CASZ1: variants seen among roughly 807,000 people sequenced by gnomAD.
The protein encoded by CASZ1 is zinc finger protein castor homolog 1.
Under a neutral mutation model 135.2 loss-of-function variants are expected in CASZ1, and 28 were observed. That is an observed-to-expected ratio of 0.21 (90% CI 0.15 to 0.28). The LOEUF is 0.28. Ranked by LOEUF, CASZ1 falls within the 10% of genes least tolerant of loss-of-function variation. CASZ1 has a pLI of 1.00. For synonymous variants in CASZ1, 1,068 were observed against 1,073.4 expected (o/e 0.99, Z 0.10); for missense variants, 2,161 against 2,453.3 (o/e 0.88, Z 2.52).
chr1:10,675,426 G>A (rs1643536066), intron 4 of CASZ1, among the ~76,000 whole-genome samples: 1 of 152,178 alleles, frequency 6.6e-6, no homozygotes, highest in African/African-American at 2.4e-5. Flanking sequence ...GGTGGGCACA[G>A]TGCGAGCAGG....
chr1:10,727,589 C>G lies in CASZ1; in HGVS notation c.-76-22045G>C, dbSNP rs902782930. Among the ~76,000 whole-genome samples, 4 of 152,136 alleles carry G rather than the reference C, an allele frequency of 2.6e-5. No individual in the cohort carries two copies. The highest frequency in any genetic ancestry group is 4.4e-5 in the Non-Finnish European group (3 of 68,008). On this transcript the variant is annotated intron_variant, in intron 2 of 20. Coordinates refer to ENST00000377022, the MANE Select transcript of CASZ1 (RefSeq NM_001079843.3). The surrounding 1 kb of genome is among the most constrained non-coding windows in gnomAD (Gnocchi z 5.3). ...AGCCCCCAAGCCAGGTTCCTAGACT[C>G]CAAGAATGAGAAAACCCCTTTCCCA...
chr1:10,781,920 G>A (rs1295359000), intron 1 of CASZ1, among the ~76,000 whole-genome samples: 3 of 152,214 alleles, frequency 2.0e-5, no homozygotes, highest in African/African-American at 4.8e-5. Flanking sequence ...GATTTGAGCC[G>A]AGGACTTTAC....
At chr1:10,651,896 A>G (rs1456928977) in intron 11 of CASZ1, 2 of 152,212 alleles carry the variant, frequency 1.3e-5, no homozygotes, top group Non-Finnish European at 2.9e-5. Context: ...TTTCTAATGA[A>G]AACAAAGTAC....
rs1278942738 is a variant in CASZ1 at position 10,706,885 on chromosome 1, CA to C, written c.-76-1342del. ...CAGAGAGCTGGGCGGACCCCTGAGA[CA>C]GGGGGCGGTAGAGAGGATGGGGGGC... On this transcript the variant is annotated intron_variant, in intron 2 of 20. Transcript: ENST00000377022. The surrounding 1 kb of genome is among the most constrained non-coding windows in gnomAD (Gnocchi z 4.3). Among the ~76,000 whole-genome samples the C allele has an allele frequency of 5.5e-5, 8 of 146,758 alleles. No homozygotes were observed. Among genetic ancestry groups the C allele is most frequent in the Non-Finnish European group, 7.6e-5 (5 of 66,176 alleles).
At chr1:10,661,656 TCA>T (rs1036062318) in intron 5 of CASZ1, among the ~76,000 whole-genome samples, 1 of 133,304 alleles carries the variant, frequency 7.5e-6, no homozygotes, top group Non-Finnish European at 1.6e-5. Flanking sequence ...ACACACACGG[TCA>T]CATTCACACG....
chr1:10,722,884 A>G (rs1639527372), intron 2 of CASZ1, among the ~76,000 whole-genome samples: 1 of 152,242 alleles, frequency 6.6e-6, no homozygotes. Context: ...CGCACCCCAG[A>G]AACAGGCCCA....
At position 10,643,168 on chromosome 1, in the gene CASZ1, G is replaced by C; in HGVS notation, c.4012C>G (p.Pro1338Ala). 1 of 1,611,424 alleles carries C rather than the reference G, an allele frequency of 6.2e-7. No homozygotes were observed. The highest frequency in any genetic ancestry group is 1.1e-5 in the South Asian group (1 of 90,996). Residue 1338 changes from proline to alanine, a missense_variant, in exon 19 of 21, where the codon CCC (proline) becomes GCC (alanine). Physicochemically the swap from Pro to Ala is conservative, Grantham distance 27 (BLOSUM62 -1). Around this residue, in one of 7 missense-constraint regions of CASZ1, gnomAD observed 349 missense variants for 460.8 expected, o/e 0.76. Coordinates refer to ENST00000377022, the MANE Select transcript of CASZ1 (RefSeq NM_001079843.3). The part of the protein sequence containing the change: ...MLGKNFDRVP[P>A]SQGPPGLMDA... ...CTGGGGGGGGCTCTCACCTGGGAGG[G>C]GGGCACGCGGTCGAAGTTCTTCCCC...
intron 1 of CASZ1, among the ~76,000 whole-genome samples, chr1:10,768,213 T>C (rs1229818003): frequency 6.6e-6 from 1 of 151,970 alleles, no homozygotes; most frequent in Non-Finnish European, 1.5e-5. Flanking sequence ...TTCGTTTGTT[T>C]GTTTGTTTGT....
chr1:10,703,244 G>A (rs1639101845), intron 3 of CASZ1, among the ~76,000 whole-genome samples: 1 of 152,070 alleles, frequency 6.6e-6, no homozygotes, highest in South Asian at 2.1e-4. Flanking sequence ...CGGGCTTGGA[G>A]CCTGATTCCC....
Position 10,671,520 on chromosome 1 carries a change from G to T in CASZ1, c.17-5949C>A, listed in dbSNP as rs1570451934. Among the ~76,000 whole-genome samples, 5 of 152,344 alleles carry T rather than the reference G, an allele frequency of 3.3e-5. No individual in the cohort carries two copies. The South Asian group carries it at 1.0e-3, about 32-fold the overall frequency. On this transcript the variant is annotated intron_variant, in intron 4 of 20. Coordinates refer to ENST00000377022, the MANE Select transcript of CASZ1 (RefSeq NM_001079843.3). ...ACCCCCAGGGCTGGGCTGACTCTCA[G>T]TGCCTGAGCTGCCCTGCTCCGGGCA...
At chr1:10,732,759 G>A (rs1295772671) in intron 2 of CASZ1, among the ~76,000 whole-genome samples, 1 of 152,224 alleles carries the variant, frequency 6.6e-6, no homozygotes, top group Non-Finnish European at 1.5e-5. Flanking sequence ...CAGCAGTGCA[G>A]GGGACGTGGG....
chr1:10,781,302 T>C (rs1179712407), intron 1 of CASZ1, among the ~76,000 whole-genome samples: 1 of 152,236 alleles, frequency 6.6e-6, no homozygotes, highest in African/African-American at 2.4e-5. Flanking sequence ...GGTTTGTGCC[T>C]TCTTGGCAGC....
At chr1:10,764,478 G>A (rs1057415304) in intron 1 of CASZ1, among the ~76,000 whole-genome samples, 1 of 152,226 alleles carries the variant, frequency 6.6e-6, no homozygotes, top group Admixed American at 6.5e-5. Flanking sequence ...AGTGCCCTAC[G>A]CACATGATCT....
rs1283570482 is a variant in CASZ1, at chr1:10,645,027, G to T, written c.3758C>A (p.Thr1253Asn). 1.2e-6 allele frequency: 2 copies of T among 1,614,050 alleles called. No homozygotes were observed. Among genetic ancestry groups the T allele is most frequent in the East Asian group, 2.2e-5 (1 of 44,886 alleles). ...HCLRTGCYFV[T>N]NITTKLPWHI... is the part of the protein sequence containing the mutation. Reference sequence around the variant, plus strand: ...CCAGGGGAGCTTGGTGGTGATGTTGGTCACAAAATAGCAGCCGGTGCGGAG... The same window carrying T: ...CCAGGGGAGCTTGGTGGTGATGTTGTTCACAAAATAGCAGCCGGTGCGGAG... The change falls in exon 18 of 21, where the codon ACC becomes AAC. Residue 1253 changes from threonine (T) to asparagine (N), a missense_variant. Transcript: ENST00000377022.
rs1267788911 is a variant in CASZ1, at chr1:10,747,033, C to A, written c.-77+13668G>T. Among the ~76,000 whole-genome samples, 1 of 152,258 alleles carries A rather than the reference C, an allele frequency of 6.6e-6. No homozygotes were observed. The highest frequency in any genetic ancestry group is 2.4e-5 in the African/African-American group (1 of 41,470). On this transcript the variant is annotated intron_variant, in intron 2 of 20. Transcript: ENST00000377022. The surrounding 1 kb of genome is among the most constrained non-coding windows in gnomAD (Gnocchi z 4.3). ...CTTCTCCCCTCATAGCCCCCGCTAACCAGGAGTGGACGCCCAGAAGTCCAT... is the reference window on the plus strand; with the variant it reads ...CTTCTCCCCTCATAGCCCCCGCTAAACAGGAGTGGACGCCCAGAAGTCCAT...
intron 1 of CASZ1, among the ~76,000 whole-genome samples, chr1:10,785,338 TC>T (rs1173102806): frequency 2.0e-5 from 3 of 151,702 alleles, no homozygotes; most frequent in Non-Finnish European, 4.4e-5. Flanking sequence ...GAAAAAAGCA[TC>T]CGTTTAATTA....
In CASZ1 at chr1:10,717,376, T is replaced by G. The variant is rs963936771; in HGVS notation, c.-76-11832A>C. ...CCGTGCTGGGGTGTTGGTGAGTTGT[T>G]GGAGGTTTTTTTTTCTTTTCTTTTC... On this transcript the variant is annotated intron_variant, in intron 2 of 20. Transcript: ENST00000377022. This position sits in a 1 kb window ranked among gnomAD's most constrained non-coding sequence, Gnocchi z 4.6. Among the ~76,000 whole-genome samples the G allele has an allele frequency of 3.9e-5, 6 of 152,120 alleles. No individual in the cohort carries two copies. The highest frequency in any genetic ancestry group is 8.8e-5 in the Non-Finnish European group (6 of 68,010).
chr1:10,760,637 G>A (rs1640354902), intron 2 of CASZ1, 64 bp downstream of exon 2: 1 of 152,304 alleles, frequency 6.6e-6, no homozygotes, highest in Non-Finnish European at 1.5e-5. Context: ...GTACCCTAAA[G>A]AGCAACCCCC....
rs551000511 is a variant in CASZ1 at position 10,689,320 on chromosome 1, C to T, written c.16+4554G>A. 2.6e-4 allele frequency among the ~76,000 whole-genome samples: 39 copies of T among 152,312 alleles called. 1 individual carries two copies. In the East Asian group the frequency reaches 6.0e-3, roughly 23 times the overall value. ...CCACTTTCACGAGGAGATGCCGCTG[C>T]GTGGCTTAGCCCTCCAAAGGTGCCT... On this transcript the variant is annotated intron_variant, in intron 4 of 20. Transcript: ENST00000377022.
Sources: allele counts gnomAD v4.1 joint callset (sites outside exome capture counted in the v4.1 genomes callset), GRCh38; gene constraint gnomAD v4.1.1; regional missense constraint gnomAD v4.1.1; non-coding constraint Gnocchi (gnomAD v3.1); transcripts MANE v1.5; gene names NCBI Gene and HGNC (gene_info 2026-07-23, HGNC 2026-07-21).